PNISR: variants seen among roughly 807,000 people sequenced by gnomAD.
PNISR encodes PNN interacting serine and arginine rich protein.
Under a neutral mutation model 93.4 loss-of-function variants are expected in PNISR, and 20 were observed. The ratio of observed to expected loss-of-function variants is 0.21; its 90% CI spans 0.15 to 0.31. PNISR has a LOEUF of 0.31. Ranked by LOEUF, PNISR falls within the 10% of genes least tolerant of loss-of-function variation. The pLI is 1.00. For synonymous variants in PNISR, 305 were observed against 306.5 expected (o/e 0.99, Z 0.05); for missense variants, 893 against 985.4 (o/e 0.91, Z 1.25).
chr6:99,405,970 CT>C, intron 8 of PNISR, 60 bp downstream of exon 8: 1 of 1,203,726 alleles, frequency 8.3e-7, no homozygotes, highest in Non-Finnish European at 1.2e-6. Flanking sequence ...CTAATATTGT[CT>C]CCAAAAAAAA....
chr6:99,414,088 C>T (rs761338304), intron 3 of PNISR, among the ~76,000 whole-genome samples: 17 of 152,100 alleles, frequency 1.1e-4, no homozygotes, highest in South Asian at 2.1e-4. Context: ...AGTGGTCTTA[C>T]GGATGAAACA....
At chr6:99,407,083 G>A (rs895395515) in intron 7 of PNISR, among the ~76,000 whole-genome samples, 1 of 152,100 alleles carries the variant, frequency 6.6e-6, no homozygotes, top group Non-Finnish European at 1.5e-5. Context: ...ACTTTGGGGG[G>A]CCGAGGTGGG....
chr6:99,409,658 T>C (rs1019460423), intron 5 of PNISR: 38 of 197,870 alleles, frequency 1.9e-4, no homozygotes, highest in African/African-American at 8.6e-4. Context: ...AAATAGATAC[T>C]AATTTCTCTT....
intron 7 of PNISR, among the ~76,000 whole-genome samples, chr6:99,406,746 T>C (rs754645269): frequency 6.6e-5 from 10 of 152,168 alleles, no homozygotes; most frequent in Non-Finnish European, 1.2e-4. Context: ...ATGCCAGCAG[T>C]TTGTCTCCTG....
At chr6:99,410,673 G>T in intron 5 of PNISR, 68 bp downstream of exon 5, 1 of 1,121,794 alleles carries the variant, frequency 8.9e-7, no homozygotes, top group South Asian at 1.3e-5. Context: ...AGGTATTCTT[G>T]ATGAGACACT....
chr6:99,405,618 G>C (rs896230772), intron 8 of PNISR, among the ~76,000 whole-genome samples: 1 of 151,760 alleles, frequency 6.6e-6, no homozygotes, highest in African/African-American at 2.4e-5. Flanking sequence ...AGGATGGAAC[G>C]CAGTGGCACC....
Position 99,400,486 on chromosome 6 carries a change from A to T in PNISR, c.*54T>A. 1 of 1,561,866 alleles carries T rather than the reference A, an allele frequency of 6.4e-7. No individual in the cohort carries two copies. On this transcript the variant is annotated 3_prime_UTR_variant, in exon 12 of 12. Coordinates refer to ENST00000369239, the MANE Select transcript of PNISR (RefSeq NM_032870.4). Reference sequence around the variant, plus strand: ...GAGAGAAAGGACACTTTCAACTTTGAATAAATTCAGTCAATTTTTTTTAAA... The same window carrying T: ...GAGAGAAAGGACACTTTCAACTTTGTATAAATTCAGTCAATTTTTTTTAAA...
chr6:99,425,178 G>C, intron 1 of PNISR, 37 bp downstream of exon 1: 4 of 1,209,746 alleles, frequency 3.3e-6, no homozygotes, highest in Non-Finnish European at 4.1e-6. Flanking sequence ...GTAATGGTCC[G>C]GCAAGTGCCC....
At chr6:99,413,620 C>A (rs1405320175) in intron 3 of PNISR, among the ~76,000 whole-genome samples, 1 of 152,110 alleles carries the variant, frequency 6.6e-6, no homozygotes, top group Non-Finnish European at 1.5e-5. Flanking sequence ...ACCACCGCAC[C>A]TGGCCTCTCT....
chr6:99,409,506 A>T (rs1776618701), intron 5 of PNISR, 162 bp from the exon 6 acceptor site: 1 of 577,758 alleles, frequency 1.7e-6, no homozygotes, highest in Non-Finnish European at 2.9e-6. Context: ...CCAAGAACCT[A>T]GGCTTACTTG....
chr6:99,406,034 T>G lies in PNISR; in HGVS notation c.999A>C (p.Gln333His), dbSNP rs990848230. Residue 333 changes from glutamine to histidine, a missense_variant, in exon 8 of 12, where the codon CAA (glutamine) becomes CAC (histidine). Transcript: ENST00000369239. ...PEMTEEEKEY[Q>H]MMLLTKMLLT... ...AGTAAGAACTTTAACATTCTACCAT[T>G]TGATACTCTTTCTCCTCTTCAGTCA... 1 of 1,603,634 alleles carries G rather than the reference T, an allele frequency of 6.2e-7. No homozygotes were observed. The highest frequency in any genetic ancestry group is 1.7e-5 in the Admixed American group (1 of 58,080).
In PNISR at chr6:99,404,851, T is replaced by C. The variant is rs934206359; in HGVS notation, c.1003-149A>G. The C allele has an allele frequency of 1.4e-5, 8 of 554,842 alleles. No individual in the cohort carries two copies. The African/African-American group carries it at 1.5e-4, about 11-fold the overall frequency. The allele number at this position is 554,842 out of a possible 1,614,324, so 34.4% of individuals were successfully genotyped here. A position where few individuals can be genotyped will look rare whatever the true frequency, so the allele number is the denominator to read the frequency against. Reference sequence around the variant, plus strand: ...TGGATCATACTGGCGTGATATTGGCTCACTGCAACCCCTACCTCCTGGGTT... The same window carrying C: ...TGGATCATACTGGCGTGATATTGGCCCACTGCAACCCCTACCTCCTGGGTT... On this transcript the variant is annotated intron_variant, in intron 8 of 11. Transcript: ENST00000369239.
At position 99,410,793 on chromosome 6, in the gene PNISR, C is replaced by T. The variant is rs1776814513; in HGVS notation, c.449G>A (p.Gly150Asp). 7 of 1,613,960 alleles carry T rather than the reference C, an allele frequency of 4.3e-6. No homozygotes were observed. The highest frequency in any genetic ancestry group is 5.9e-6 in the Non-Finnish European group (7 of 1,180,004). Residue 150 changes from glycine to aspartate, a missense_variant, in exon 5 of 12, where the codon GGT becomes GAT. Coordinates refer to ENST00000369239, the MANE Select transcript of PNISR (RefSeq NM_032870.4). ...HIFNQNNHNF[G>D]GPPDNFAVGP... ...CACTGCAAAATTATCGGGTGGTCCA[C>T]CAAAGTTGTGATTGTTCTGGTTAAA... is the stretch of plus-strand genomic sequence containing the variant.
At position 99,398,538 on chromosome 6, in the gene PNISR, A is replaced by T. The variant is rs962974122; in HGVS notation, c.*2002T>A. On this transcript the variant is annotated 3_prime_UTR_variant, in exon 12 of 12. Transcript: ENST00000369239. ...CACAAATATCATGACGGCTTTTAAA[A>T]AAACTACAGACTTAACTGATAAGCT... The T allele has an allele frequency of 1.2e-4, 18 of 152,174 alleles. No homozygotes were observed. The highest frequency in any genetic ancestry group is 4.3e-4 in the African/African-American group (18 of 41,470). The allele number at this position is 152,174 out of a possible 1,614,324, so 9.4% of individuals were successfully genotyped here.
At chr6:99,408,406 CA>C in intron 6 of PNISR, 135 bp from the exon 7 acceptor site, 3 of 624,938 alleles carry the variant, frequency 4.8e-6, no homozygotes, top group Non-Finnish European at 5.6e-6. Context: ...CAGCAGGGAC[CA>C]CTGCTCTAGT....
At chr6:99,422,631 T>C (rs1778712044) in intron 1 of PNISR, among the ~76,000 whole-genome samples, 2 of 152,150 alleles carry the variant, frequency 1.3e-5, no homozygotes, top group African/African-American at 4.8e-5. Context: ...CCCAGCACTT[T>C]GGCAGGCCAA....
intron 1 of PNISR, among the ~76,000 whole-genome samples, chr6:99,417,382 T>C (rs571472330): frequency 6.6e-6 from 1 of 152,340 alleles, no homozygotes; most frequent in Admixed American, 6.5e-5. Flanking sequence ...TGGTCACCAC[T>C]TGTCACCTAG....
chr6:99,413,817 A>T (rs1031043888), intron 3 of PNISR, among the ~76,000 whole-genome samples: 2 of 152,202 alleles, frequency 1.3e-5, no homozygotes, highest in Non-Finnish European at 2.9e-5. Context: ...CATAACCCCT[A>T]TGGGGTTACA....
Position 99,400,210 on chromosome 6 carries a change from TA to T in PNISR, c.*329del. On this transcript the variant is annotated 3_prime_UTR_variant, in exon 12 of 12. Transcript: ENST00000369239. ...CCTACACAGCCACAATGTGCCTCTA[TA>T]ATGAGACAAGCCCTTAAAACTCATG... 2.6e-6 allele frequency: 1 copy of T among 388,120 alleles called. No individual in the cohort carries two copies. The highest frequency in any genetic ancestry group is 3.6e-6 in the Non-Finnish European group (1 of 279,856). 24.0% of individuals were successfully genotyped at this position (388,120 alleles called of 1,614,324 possible).
Sources: gnomAD v4.1 joint callset for allele counts (sites outside exome capture counted in the v4.1 genomes callset) on GRCh38, gnomAD v4.1.1 for gene constraint, MANE v1.5 for transcripts, NCBI Gene and HGNC (gene_info 2026-07-23, HGNC 2026-07-21) for gene names.